Variants in CT47B1 observed in about 807,000 individuals in gnomAD.
The protein encoded by CT47B1 is cancer/testis CT47 family, member 13.
Under a neutral mutation model 12.8 loss-of-function variants are expected in CT47B1, and 24 were observed. The observed-to-expected ratio is 1.87, with a 90% CI of 1.36 to 2.63. The LOEUF is 2.63. Ranked by LOEUF, CT47B1 falls within the 30% of genes most tolerant of loss-of-function variation. The probability of loss-of-function intolerance (pLI) is 0.00; values close to 1 mark genes in which losing one functional copy is unlikely to be tolerated. For missense variants in CT47B1, 523 were observed against 271.3 expected, an observed-to-expected ratio of 1.93 and a Z score of -6.52; for synonymous variants, 228 against 133.3, an observed-to-expected ratio of 1.71 and a Z score of -4.89.
Position 120,875,251 on chromosome X carries a change from G to A in CT47B1, c.420C>T (p.His140=). The A allele has an allele frequency of 8.3e-7, 1 of 1,211,461 alleles. No homozygotes were observed. Residue 140 remains histidine (H), a synonymous_variant, in exon 1 of 3, where the codon CAC becomes CAT. Transcript: ENST00000371311. The stretch of plus-strand genomic sequence containing the variant: ...TGAGGTGACGGTTCGCTATCTGGAT[G>A]TGGTCGTTGTGATAGAGGCGGCGGA... ...SLLRRLYHND[H]IQIANRHLSR...
chrX:120,875,517 C>A lies in CT47B1; in HGVS notation c.154G>T (p.Val52Phe), dbSNP rs777241996. The A allele has an allele frequency of 5.8e-6, 7 of 1,197,849 alleles. No homozygotes were observed. Among genetic ancestry groups the A allele is most frequent in the Non-Finnish European group, 7.8e-6 (7 of 894,071 alleles). Residue 52 changes from valine (V) to phenylalanine (F), a missense_variant, in exon 1 of 3, where the codon GTC (valine) becomes TTC (phenylalanine). Physicochemically the swap from Val to Phe is conservative, Grantham distance 50. Transcript: ENST00000371311. ...CCTTCCACGGGCCCTGCGACTCCGA[C>A]CACCTCGGCCGCAGGCACCATGTCG... ...SSDMVPAAEV[V>F]GVAGPVEGLG...
intron 2 of CT47B1, among the ~76,000 whole-genome samples, chrX:120,873,491 T>C (rs5957501): frequency 0.023 from 1,957 of 86,425 alleles, 108 homozygotes; most frequent in African/African-American, 0.066. Context: ...GGTCAAGTAA[T>C]GAAGGCCCAA....
In CT47B1 at chrX:120,874,937, G is replaced by A; in HGVS notation, c.734C>T (p.Ala245Val). Residue 245 changes from alanine (A) to valine (V), a missense_variant, in exon 1 of 3, where the codon GCC (alanine) becomes GTC (valine). Transcript: ENST00000371311. ...CTCCTCTGAGGTCGGTTCCTCTGCG[G>A]CCGGTTCCTCTGTGGCCTCCTCTGT... is the stretch of plus-strand genomic sequence containing the variant. Reference protein sequence around the residue: ...KLTEEATEEPAAEEPTSEEAV... With the variant: ...KLTEEATEEPVAEEPTSEEAV... 1.7e-6 allele frequency: 2 copies of A among 1,209,765 alleles called. No individual in the cohort carries two copies. Among genetic ancestry groups the A allele is most frequent in the South Asian group, 3.5e-5 (2 of 56,948 alleles).
chrX:120,874,908 C>G lies in CT47B1; in HGVS notation c.763G>C (p.Val255Leu), dbSNP rs779020803. 38 of 1,208,056 alleles carry G rather than the reference C, an allele frequency of 3.1e-5. No individual in the cohort carries two copies. The highest frequency in any genetic ancestry group is 4.2e-5 in the Non-Finnish European group (38 of 894,456). ...CTAGCCCCCTTACCCTCGGGGGCCA[C>G]GGCCTCCTCTGAGGTCGGTTCCTCT... The part of the protein sequence containing the change: ...AAEEPTSEEA[V>L]APEEVTKSQP... The change falls in exon 1 of 3, where the codon GTG becomes CTG. Residue 255 changes from valine (V) to leucine (L), a missense_variant. Physicochemically the swap from Val to Leu is conservative, Grantham distance 32. Coordinates refer to ENST00000371311, the MANE Select transcript of CT47B1 (RefSeq NM_001145718.3).
chrX:120,874,865 G>A (rs746073974), intron 1 of CT47B1, 31 bp downstream of exon 1: 52 of 1,202,701 alleles, frequency 4.3e-5, no homozygotes, highest in African/African-American at 5.3e-5. Context: ...ATGGATCCCC[G>A]CTTCCCCGCT....
Position 120,875,246 on chromosome X carries a change from T to A in CT47B1, c.425A>T (p.Gln142Leu), listed in dbSNP as rs760445575. The A allele has an allele frequency of 2.1e-5, 25 of 1,210,127 alleles. No homozygotes were observed. Among genetic ancestry groups the A allele is most frequent in the East Asian group, 5.9e-5 (2 of 33,732 alleles). Residue 142 changes from glutamine to leucine, a missense_variant, in exon 1 of 3, where the codon CAG becomes CTG. Physicochemically the swap from Gln to Leu is moderately radical, Grantham distance 113. Transcript: ENST00000371311. ...LRRLYHNDHI[Q>L]IANRHLSRLM... ...GCGGCTGAGGTGACGGTTCGCTATC[T>A]GGATGTGGTCGTTGTGATAGAGGCG...
chrX:120,874,826 C>A lies in CT47B1; in HGVS notation c.775+70G>T, dbSNP rs774872601. On this transcript the variant is annotated intron_variant, in intron 1 of 2. Transcript: ENST00000371311. ...ACCCGCTTCACCAGCTGTGCCCGCA[C>A]CGCAGCCCTGCCCAGAGCCCTTGGA... 11 of 1,177,022 alleles carry A rather than the reference C, an allele frequency of 9.3e-6. No individual in the cohort carries two copies. In the East Asian group the frequency reaches 3.3e-4, roughly 35 times the overall value.
At position 120,875,141 on chromosome X, in the gene CT47B1, G is replaced by A. The variant is rs765105372; in HGVS notation, c.530C>T (p.Ala177Val). The change falls in exon 1 of 3, where the codon GCA becomes GTA. Residue 177 changes from alanine to valine, a missense_variant. Physicochemically the swap from Ala to Val is moderately conservative, Grantham distance 64. Transcript: ENST00000371311. ...PLLLLSQRLG[A>V]GAAAPEGEGL... ...CTCGCCTTCTGGGGCTGCAGCCCCT[G>A]CACCCAGCCTCTGGGACAGCAGCAG... 17 of 1,209,354 alleles carry A rather than the reference G, an allele frequency of 1.4e-5. No homozygotes were observed. Among genetic ancestry groups the A allele is most frequent in the African/African-American group, 1.7e-5 (1 of 57,476 alleles).
chrX:120,874,541 G>C (rs1280206890), intron 1 of CT47B1, among the ~76,000 whole-genome samples: 1 of 110,796 alleles, frequency 9.0e-6, no homozygotes, highest in Admixed American at 9.6e-5. Context: ...CCTCCCATTT[G>C]CCTGTTCTTT....
At position 120,875,089 on chromosome X, in the gene CT47B1, C is replaced by G; in HGVS notation, c.582G>C (p.Ala194=). 4 of 1,209,781 alleles carry G rather than the reference C, an allele frequency of 3.3e-6. No individual in the cohort carries two copies. Among genetic ancestry groups the G allele is most frequent in the Non-Finnish European group, 3.4e-6 (3 of 894,656 alleles). Residue 194 remains alanine, a synonymous_variant, in exon 1 of 3, where the codon GCG becomes GCC. Coordinates refer to ENST00000371311, the MANE Select transcript of CT47B1 (RefSeq NM_001145718.3). ...GEGLGLIQEA[A]SVQEAASVPE... is the part of the protein sequence containing the mutation. ...GGACCGACGCGGCCTCCTGGACCGA[C>G]GCAGCCTCCTGGATCAGGCCGAGGC...
rs1479397798 is a variant in CT47B1 at position 120,875,345 on chromosome X, G to A, written c.326C>T (p.Ala109Val). 9.9e-6 allele frequency: 12 copies of A among 1,209,186 alleles called. No individual in the cohort carries two copies. Among genetic ancestry groups the A allele is most frequent in the East Asian group, 5.9e-5 (2 of 33,734 alleles). ...EGNEAANFDL[A>V]VATRRYPAAG... Reference sequence around the variant, plus strand: ...CGCCGGGTACCGACGGGTGGCCACCGCCAAGTCGAAGTTGGCCGCCTCGTT... The same window carrying A: ...CGCCGGGTACCGACGGGTGGCCACCACCAAGTCGAAGTTGGCCGCCTCGTT... Residue 109 changes from alanine (A) to valine (V), a missense_variant, in exon 1 of 3, where the codon GCG (alanine) becomes GTG (valine). By Grantham distance (64) the Ala-to-Val change is moderately conservative. Transcript: ENST00000371311.
intron 2 of CT47B1, among the ~76,000 whole-genome samples, chrX:120,873,183 C>T (rs190527996): frequency 0.02 from 1,960 of 99,704 alleles, 266 homozygotes; most frequent in Non-Finnish European, 0.033. Flanking sequence ...GAAGCCGTTA[C>T]GAAATATACG....
rs1183325857 is a variant in CT47B1, at chrX:120,873,827, G to A, written c.*31+38C>T. 3.8e-5 allele frequency: 34 copies of A among 897,232 alleles called. 10 individuals are homozygous for A. The highest frequency in any genetic ancestry group is 4.5e-5 in the Non-Finnish European group (31 of 682,399). 73.9% of individuals were successfully genotyped at this position (897,232 alleles called of 1,213,427 possible). ...AACTGTCTGCAACAGGTAAATGCCA[G>A]GAATAGTTGACTGATTCTCAAAGCT... On this transcript the variant is annotated intron_variant, in intron 2 of 2. Coordinates refer to ENST00000371311, the MANE Select transcript of CT47B1 (RefSeq NM_001145718.3).
Position 120,875,552 on chromosome X carries a change from G to A in CT47B1, c.119C>T (p.Pro40Leu), listed in dbSNP as rs764908813. The change falls in exon 1 of 3, where the codon CCC (proline) becomes CTC (leucine). Residue 40 changes from proline (P) to leucine (L), a missense_variant. Transcript: ENST00000371311. ...CGCAGGCACCATGTCGCTGCTGTCG[G>A]GGCCGGAGTCGCCGCCCTCCTGGTT... The part of the protein sequence containing the change: ...AGNQEGGDSG[P>L]DSSDMVPAAE... 8.4e-7 allele frequency: 1 copy of A among 1,194,762 alleles called. No homozygotes were observed.
Position 120,875,064 on chromosome X carries a change from G to A in CT47B1, c.607C>T (p.Pro203Ser), listed in dbSNP as rs756067552. ...AGGTCAGCTGGCACTGCAGGCTCTG[G>A]GACCGACGCGGCCTCCTGGACCGAC... is the stretch of plus-strand genomic sequence containing the variant. ...AASVQEAASVPEPAVPADLAE... is the reference protein window; with the variant it reads ...AASVQEAASVSEPAVPADLAE... Residue 203 changes from proline to serine, a missense_variant, in exon 1 of 3, where the codon CCA becomes TCA. Coordinates refer to ENST00000371311, the MANE Select transcript of CT47B1 (RefSeq NM_001145718.3). 4.7e-5 allele frequency: 57 copies of A among 1,209,141 alleles called. 1 individual carries two copies. The highest frequency in any genetic ancestry group is 6.3e-5 in the Non-Finnish European group (56 of 894,512).
At chrX:120,874,617 G>A (rs866952112) in intron 1 of CT47B1, among the ~76,000 whole-genome samples, 23 of 110,882 alleles carry the variant, frequency 2.1e-4, no homozygotes, top group Non-Finnish European at 3.4e-4. Context: ...CTGCAGGCTC[G>A]CAAATGGCAT....
At position 120,874,667 on chromosome X, in the gene CT47B1, G is replaced by C. The variant is rs79084067; in HGVS notation, c.775+229C>G. On this transcript the variant is annotated intron_variant, in intron 1 of 2. Transcript: ENST00000371311. ...CTCCTATCAAATATAGGTTGGTAGA[G>C]GGCGGCAAGTTTTCTCAAAACCATA... 6.6e-3 allele frequency among the ~76,000 whole-genome samples: 738 copies of C among 111,027 alleles called. 7 individuals carry two copies. The highest frequency in any genetic ancestry group is 0.037 in the East Asian group (129 of 3,479).
Position 120,874,986 on chromosome X carries a change from C to A in CT47B1, c.685G>T (p.Glu229Ter). 8.3e-7 allele frequency: 1 copy of A among 1,210,302 alleles called. No individual in the cohort carries two copies. The highest frequency in any genetic ancestry group is 1.1e-6 in the Non-Finnish European group (1 of 894,837). Reference protein sequence around the residue: ...AEEAADEKPPEEAAEEKLTEE... With the variant: ...AEEAADEKPP ...GTGAGCTTCTCCTCTGCGGCCTCCT[C>A]TGGGGGTTTCTCATCTGCGGCCTCC... The change falls in exon 1 of 3, where the codon GAG (glutamate) becomes TAG (stop). Residue 229 changes from glutamate (E) to a stop codon, truncating the protein, a stop_gained. Coordinates refer to ENST00000371311, the MANE Select transcript of CT47B1 (RefSeq NM_001145718.3). LOFTEE classifies it high-confidence loss of function.
In CT47B1 at chrX:120,875,436, C is replaced by T. The variant is rs957383095; in HGVS notation, c.235G>A (p.Gly79Arg). 26 of 1,206,193 alleles carry T rather than the reference C, an allele frequency of 2.2e-5. 1 individual carries two copies. Among genetic ancestry groups the T allele is most frequent in the African/African-American group, 3.5e-5 (2 of 57,346 alleles). Residue 79 changes from glycine to arginine, a missense_variant, in exon 1 of 3, where the codon GGG becomes AGG. By Grantham distance (125) the Gly-to-Arg change is moderately radical. Coordinates refer to ENST00000371311, the MANE Select transcript of CT47B1 (RefSeq NM_001145718.3). ...AAGLAAVPQGGSAEEDSDIGP... is the reference protein window; with the variant it reads ...AAGLAAVPQGRSAEEDSDIGP... ...ATATCTGAGTCCTCCTCGGCGCTCC[C>T]GCCCTGGGGGACTGCGGCCAGGCCT...
Sources: allele counts gnomAD v4.1 joint callset (sites outside exome capture counted in the v4.1 genomes callset), GRCh38; gene constraint gnomAD v4.1.1; transcripts MANE v1.5; gene names NCBI Gene and HGNC (gene_info 2026-07-23, HGNC 2026-07-21).